Variants in ESRRG observed in about 807,000 individuals in gnomAD.
ESRRG encodes estrogen related receptor gamma, also known as estrogen-related receptor gamma.
Under a neutral mutation model 44.0 loss-of-function variants are expected in ESRRG, and 13 were observed. The ratio of observed to expected loss-of-function variants is 0.30; its 90% CI spans 0.19 to 0.47. The LOEUF (loss-of-function observed/expected upper bound fraction) is 0.47. ESRRG is among the 20% of genes least tolerant of loss of function. The pLI is 1.00. For synonymous variants in ESRRG, 215 were observed against 214.6 expected (o/e 1.00, Z -0.02); for missense variants, 395 against 580.6 (o/e 0.68, Z 3.29).
intron 1 of ESRRG, among the ~76,000 whole-genome samples, chr1:217,054,596 G>A (rs181170191): frequency 1.4e-4 from 21 of 152,128 alleles, no homozygotes; most frequent in African/African-American, 3.4e-4. Flanking sequence ...CTTCGAGGAG[G>A]TTGCAACACC....
intron 1 of ESRRG, among the ~76,000 whole-genome samples, chr1:217,006,835 G>A (rs1202380844): frequency 6.6e-6 from 1 of 151,986 alleles, no homozygotes; most frequent in Non-Finnish European, 1.5e-5. Context: ...TCAGATTTTG[G>A]AGCATTTTGG....
intron 6 of ESRRG, among the ~76,000 whole-genome samples, chr1:216,510,661 A>G (rs2809290): frequency 0.92 from 139,818 of 152,182 alleles, 64,367 homozygotes; most frequent in African/African-American, 0.94. Flanking sequence ...CGAGGCAGGC[A>G]GATCACGAGG....
chr1:216,911,851 C>T (rs575181226), intron 2 of ESRRG, among the ~76,000 whole-genome samples: 7 of 151,946 alleles, frequency 4.6e-5, no homozygotes, highest in Non-Finnish European at 8.8e-5. Context: ...AGGTGGATCA[C>T]GTGCGCTCAG....
intron 1 of ESRRG, among the ~76,000 whole-genome samples, chr1:216,721,372 T>C (rs1402398582): frequency 2.0e-5 from 3 of 152,210 alleles, no homozygotes; most frequent in African/African-American, 7.2e-5. Flanking sequence ...AATTCTGTGG[T>C]TTATTAATTG....
intron 1 of ESRRG, among the ~76,000 whole-genome samples, chr1:217,096,339 A>T (rs914547219): frequency 3.9e-5 from 6 of 152,332 alleles, no homozygotes; most frequent in Admixed American, 3.9e-4. Flanking sequence ...CTGATGCCAC[A>T]AGCTACCAAC....
intron 3 of ESRRG, among the ~76,000 whole-genome samples, chr1:216,618,939 CGT>C (rs1278021371): frequency 6.6e-6 from 1 of 152,208 alleles, no homozygotes; most frequent in African/African-American, 2.4e-5. Flanking sequence ...TTCCTTGGCA[CGT>C]GTGATTTACT....
chr1:216,761,834 G>A (rs1170757914), intron 2 of ESRRG, among the ~76,000 whole-genome samples: 1 of 151,968 alleles, frequency 6.6e-6, no homozygotes, highest in Non-Finnish European at 1.5e-5. Flanking sequence ...TATACAACTT[G>A]GAGCTGTCCA....
At chr1:216,814,275 T>A (rs1348838275) in intron 2 of ESRRG, among the ~76,000 whole-genome samples, 1 of 152,190 alleles carries the variant, frequency 6.6e-6, no homozygotes, top group Admixed American at 6.5e-5. Flanking sequence ...TTATTTAGTA[T>A]TTATTTTTGG....
At chr1:217,019,742 G>A (rs1368000295) in intron 1 of ESRRG, among the ~76,000 whole-genome samples, 1 of 152,136 alleles carries the variant, frequency 6.6e-6, no homozygotes, top group African/African-American at 2.4e-5. Flanking sequence ...ATTAGGAAGA[G>A]CAGAGTCATC....
chr1:216,732,157 A>G (rs1409665996), intron 2 of ESRRG, among the ~76,000 whole-genome samples: 4 of 152,012 alleles, frequency 2.6e-5, no homozygotes, highest in African/African-American at 9.7e-5. Context: ...CATAAAAAAA[A>G]AAAGAAGTGG....
At chr1:216,508,823 G>A (rs1473917575) in intron 6 of ESRRG, among the ~76,000 whole-genome samples, 6 of 152,122 alleles carry the variant, frequency 3.9e-5, no homozygotes, top group Non-Finnish European at 5.9e-5. Context: ...GAAACACTAT[G>A]GTGAGTCTCT....
At chr1:216,630,125 C>T (rs1395961368) in intron 3 of ESRRG, among the ~76,000 whole-genome samples, 4 of 152,100 alleles carry the variant, frequency 2.6e-5, no homozygotes, top group African/African-American at 9.7e-5. Flanking sequence ...TTCCTTATCA[C>T]GAAGTCAGGA....
At chr1:217,117,655 G>A (rs868006359) in intron 1 of ESRRG, among the ~76,000 whole-genome samples, 9 of 151,934 alleles carry the variant, frequency 5.9e-5, no homozygotes, top group Admixed American at 4.6e-4. Context: ...AAGTTATTAT[G>A]GAATAATAAG....
At chr1:216,722,159 T>C (rs2086480953) in intron 1 of ESRRG, among the ~76,000 whole-genome samples, 1 of 152,238 alleles carries the variant, frequency 6.6e-6, no homozygotes, top group Admixed American at 6.5e-5. Context: ...CCTCATCTTC[T>C]AGAGTTTGAT....
chr1:216,845,814 A>G (rs750097511), intron 2 of ESRRG, among the ~76,000 whole-genome samples: 3 of 152,144 alleles, frequency 2.0e-5, no homozygotes, highest in Non-Finnish European at 4.4e-5. Flanking sequence ...TCTGGACTTA[A>G]AAAGCATCAG....
chr1:217,008,848 C>T (rs1197399111), intron 1 of ESRRG, among the ~76,000 whole-genome samples: 2 of 152,122 alleles, frequency 1.3e-5, no homozygotes, highest in Non-Finnish European at 2.9e-5. Flanking sequence ...CAACTAACTG[C>T]TAGCTAAATG....
At chr1:217,126,834 C>A (rs528153800) in intron 1 of ESRRG, among the ~76,000 whole-genome samples, 1 of 152,270 alleles carries the variant, frequency 6.6e-6, no homozygotes, top group East Asian at 1.9e-4. Flanking sequence ...GCCCACAGTA[C>A]TCAGGCTAAT....
intron 2 of ESRRG, among the ~76,000 whole-genome samples, chr1:216,790,675 A>C (rs2148071873): frequency 6.6e-6 from 1 of 152,292 alleles, no homozygotes; most frequent in South Asian, 2.1e-4. Flanking sequence ...ATCTGGTAGA[A>C]GGGTAATAGG....
chr1:216,564,242 A>G lies in ESRRG; in HGVS notation c.839T>C (p.Ile280Thr), dbSNP rs754403371. The change falls in exon 5 of 7, where the codon ATT (isoleucine) becomes ACT (threonine). Residue 280 changes from isoleucine (I) to threonine (T), a missense_variant. Physicochemically the swap from Ile to Thr is moderately conservative, Grantham distance 89. Transcript: ENST00000408911. Reference sequence around the variant, plus strand: ...ACCTGGAATATGCTTCGCCCATCCAATGATAACCACCAACTCTCGGTCGGC... The same window carrying G: ...ACCTGGAATATGCTTCGCCCATCCAGTGATAACCACCAACTCTCGGTCGGC... ...DLADRELVVI[I>T]GWAKHIPGFS... The G allele has an allele frequency of 3.9e-6, 6 of 1,554,376 alleles. No homozygotes were observed. The highest frequency in any genetic ancestry group is 1.4e-5 in the African/African-American group (1 of 71,846).
Sources: allele counts gnomAD v4.1 joint callset (sites outside exome capture counted in the v4.1 genomes callset), GRCh38; gene constraint gnomAD v4.1.1; transcripts MANE v1.5; gene names NCBI Gene and HGNC (gene_info 2026-07-23, HGNC 2026-07-21).